CFAP99: variants seen among roughly 807,000 people sequenced by gnomAD.
CFAP99 encodes cilia and flagella associated protein 99, also known as cilia- and flagella-associated protein 99.
In CFAP99, 84 loss-of-function variants were observed where a neutral mutation model predicts 82.7. The ratio of observed to expected loss-of-function variants is 1.02; its 90% CI spans 0.85 to 1.22. The LOEUF (loss-of-function observed/expected upper bound fraction) is 1.22, where lower values mean the gene tolerates loss of function less well. Ranked by LOEUF, CFAP99 falls within the 50% of genes most tolerant of loss-of-function variation. The pLI is 0.00. For missense variants in CFAP99, 1,059 were observed against 983.5 expected, an observed-to-expected ratio of 1.08 and a Z score of -1.03; for synonymous variants, 456 against 429.5, an observed-to-expected ratio of 1.06 and a Z score of -0.76.
At chr4:2,437,380 G>T (rs2108719660) in intron 3 of CFAP99, among the ~76,000 whole-genome samples, 1 of 152,298 alleles carries the variant, frequency 6.6e-6, no homozygotes, top group Middle Eastern at 3.4e-3. Context: ...ACAGTCCTGT[G>T]GGGGATTAGA....
chr4:2,440,354 G>C (rs1223575371), intron 4 of CFAP99, among the ~76,000 whole-genome samples: 6 of 147,284 alleles, frequency 4.1e-5, no homozygotes, highest in African/African-American at 1.0e-4. Flanking sequence ...CACCGTTTTA[G>C]CCGGGATGGT....
rs1241881182 is a variant in CFAP99 at position 2,450,938 on chromosome 4, C to T, written c.796-9C>T. 6.5e-7 allele frequency: 1 copy of T among 1,535,794 alleles called. No individual in the cohort carries two copies. The highest frequency in any genetic ancestry group is 8.7e-7 in the Non-Finnish European group (1 of 1,146,652). On this transcript the variant is annotated splice_polypyrimidine_tract_variant and intron_variant, in intron 8 of 14. Coordinates refer to ENST00000635017, the Ensembl canonical transcript of CFAP99. ...TGCCAGGCGGCCAGCTCTGCCCTGA[C>T]TCCTGCAGGGCTCCAAGCAGCAGCT...
chr4:2,441,110 CA>C (rs1453118246), intron 4 of CFAP99, among the ~76,000 whole-genome samples: 1 of 150,766 alleles, frequency 6.6e-6, no homozygotes, highest in African/African-American at 2.4e-5. Flanking sequence ...TGAGGCCGGG[CA>C]CAATAATCCA....
In CFAP99 at chr4:2,449,612, A is replaced by G. The variant is rs1039171566; in HGVS notation, c.643-58A>G. ...CCAAGCTGTCAGCCCTGGCATTTCT[A>G]GGCCCCCTCCCACTCGCAGCTGCTG... On this transcript the variant is annotated intron_variant, in intron 6 of 14. Transcript: ENST00000635017. 34 of 1,466,806 alleles carry G rather than the reference A, an allele frequency of 2.3e-5. No homozygotes were observed. In the African/African-American group the frequency reaches 4.5e-4, roughly 19 times the overall value. The allele number at this position is 1,466,806 out of a possible 1,614,324, so 90.9% of individuals were successfully genotyped here. A position where few individuals can be genotyped will look rare whatever the true frequency, so the allele number is the denominator to read the frequency against.
At chr4:2,436,997 G>A in exon 3 of CFAP99, 2 of 1,536,078 alleles carry the variant, frequency 1.3e-6, no homozygotes, top group Non-Finnish European at 1.7e-6. Flanking sequence ...CTGCCTGCGG[G>A]TTGACCACAG....
chr4:2,423,002 G>C (rs1733614224), intron 1 of CFAP99, among the ~76,000 whole-genome samples: 2 of 152,312 alleles, frequency 1.3e-5, no homozygotes, highest in African/African-American at 4.8e-5. Context: ...GAAGTCCCCA[G>C]TTACGCTGTG....
rs559688825 is a variant in CFAP99 at position 2,458,636 on chromosome 4, C to A, written c.1162-87C>A. 8.7e-5 allele frequency: 127 copies of A among 1,455,352 alleles called. No individual in the cohort carries two copies. In the South Asian group the frequency reaches 1.7e-3, roughly 19 times the overall value. 90.2% of individuals were successfully genotyped at this position (1,455,352 alleles called of 1,614,324 possible). A position where few individuals can be genotyped will look rare whatever the true frequency, so the allele number is the denominator to read the frequency against. Reference sequence around the variant, plus strand: ...GGCAGGGACTGGGTCCACCTTCAGACCTCATGCTGCGCCCTGGGCTGGGGC... The same window carrying A: ...GGCAGGGACTGGGTCCACCTTCAGAACTCATGCTGCGCCCTGGGCTGGGGC... On this transcript the variant is annotated intron_variant, in intron 11 of 14. Transcript: ENST00000635017.
chr4:2,452,371 G>C (rs758380003), intron 11 of CFAP99, 25 bp downstream of exon 11: 19 of 1,529,062 alleles, frequency 1.2e-5, no homozygotes, highest in Non-Finnish European at 1.6e-5. Flanking sequence ...GGGCAGCTGG[G>C]CATGGGGCAG....
intron 8 of CFAP99, chr4:2,450,460 A>T (rs553715879): frequency 9.3e-5 from 26 of 278,320 alleles, no homozygotes; most frequent in South Asian, 9.3e-4. Flanking sequence ...GGCAGCCCAT[A>T]TGGTGCATGC....
intron 4 of CFAP99, among the ~76,000 whole-genome samples, chr4:2,438,827 G>A (rs1353769640): frequency 6.6e-6 from 1 of 152,168 alleles, no homozygotes; most frequent in Non-Finnish European, 1.5e-5. Context: ...AACTAGTGTG[G>A]GTGAATGTGC....
chr4:2,450,157 G>A (rs1043044589), intron 8 of CFAP99, 152 bp downstream of exon 8: 5 of 786,074 alleles, frequency 6.4e-6, no homozygotes, highest in Non-Finnish European at 1.0e-5. Context: ...CTGGGAAAGT[G>A]TGCCTTGAGC....
chr4:2,454,914 G>T (rs1734392668), intron 11 of CFAP99, among the ~76,000 whole-genome samples: 1 of 150,638 alleles, frequency 6.6e-6, no homozygotes, highest in African/African-American at 2.4e-5. Flanking sequence ...GAGCCACCAT[G>T]CCCGGCCACA....
chr4:2,444,366 C>A (rs1734114856), intron 5 of CFAP99, among the ~76,000 whole-genome samples: 1 of 152,220 alleles, frequency 6.6e-6, no homozygotes, highest in Non-Finnish European at 1.5e-5. Context: ...CTCTCCCCAA[C>A]CTGCCTCAAG....
chr4:2,426,582 T>C (rs757072414), exon 2 of CFAP99: 2 of 1,532,428 alleles, frequency 1.3e-6, no homozygotes, highest in Middle Eastern at 1.7e-4. Flanking sequence ...GCCACCTCCC[T>C]GCAGGTAGGA....
chr4:2,426,720 C>T, intron 2 of CFAP99, 134 bp downstream of exon 2: 1 of 652,210 alleles, frequency 1.5e-6, no homozygotes, highest in Admixed American at 2.3e-5. Context: ...GTGTTTTCCA[C>T]AGAGACCTGC....
At chr4:2,434,315 C>A (rs7669749) in intron 2 of CFAP99, among the ~76,000 whole-genome samples, 47,603 of 152,084 alleles carry the variant, frequency 0.31, 8,395 homozygotes, top group East Asian at 0.52. Context: ...TGGCTGAGAT[C>A]ACTCAGAAAG....
chr4:2,445,953 G>A (rs1734155521), intron 6 of CFAP99, among the ~76,000 whole-genome samples: 1 of 152,182 alleles, frequency 6.6e-6, no homozygotes, highest in Non-Finnish European at 1.5e-5. Flanking sequence ...TCTCATGCCT[G>A]CCTTGAATTG....
chr4:2,451,026 G>C lies in CFAP99; in HGVS notation c.867+8G>C, dbSNP rs1252108533. ...AAGCTGACCTTCTATAGGGTGAGGG[G>C]TGCTCCTGGATGGTCAGGCTGCTCT... On this transcript the variant is annotated splice_region_variant and intron_variant, in intron 9 of 14. Transcript: ENST00000635017. The C allele has an allele frequency of 1.1e-5, 17 of 1,535,356 alleles. No individual in the cohort carries two copies. Among genetic ancestry groups the C allele is most frequent in the Middle Eastern group, 1.7e-4 (1 of 6,008 alleles).
intron 12 of CFAP99, 66 bp downstream of exon 12, chr4:2,458,930 C>T: frequency 2.0e-6 from 3 of 1,490,416 alleles, no homozygotes; most frequent in South Asian, 1.3e-5. Context: ...GGGCTGCCAC[C>T]CTTTCCTGAG....
Sources: allele counts gnomAD v4.1 joint callset (sites outside exome capture counted in the v4.1 genomes callset), GRCh38; gene constraint gnomAD v4.1.1; transcripts MANE v1.5; gene names NCBI Gene and HGNC (gene_info 2026-07-23, HGNC 2026-07-21).